The following TTLL11 variants were observed in gnomAD, a reference collection of about 807,000 sequenced individuals.
TTLL11 encodes tubulin polyglutamylase TTLL11.
Under a neutral mutation model 51.7 loss-of-function variants are expected in TTLL11, and 42 were observed. The observed-to-expected ratio is 0.81, with a 90% CI of 0.64 to 1.05. The LOEUF (loss-of-function observed/expected upper bound fraction) is 1.05. Among genes scored for constraint, TTLL11 ranks in the 50% least tolerant of loss-of-function variants. The pLI is 0.00. For synonymous variants in TTLL11, 381 were observed against 383.5 expected (o/e 0.99, Z 0.08); for missense variants, 799 against 940.4 (o/e 0.85, Z 1.97).
intron 6 of TTLL11, among the ~76,000 whole-genome samples, chr9:121,938,972 G>C (rs951182543): frequency 5.3e-5 from 8 of 152,206 alleles, no homozygotes; most frequent in African/African-American, 1.9e-4. Context: ...AAACCGAAGA[G>C]ATAAAGTCCG....
chr9:122,003,587 C>T (rs915529777), intron 3 of TTLL11, among the ~76,000 whole-genome samples: 3 of 149,036 alleles, frequency 2.0e-5, no homozygotes, highest in East Asian at 2.0e-4. Context: ...CAGGTTCAAG[C>T]GATTCTCCTT....
At chr9:122,090,194 G>GTAGATCAACATTACCATTATGCGGCT (rs1846223218) in intron 1 of TTLL11, among the ~76,000 whole-genome samples, 1 of 152,086 alleles carries the variant, frequency 6.6e-6, no homozygotes, top group Non-Finnish European at 1.5e-5. Flanking sequence ...GAAGTAGAAA[G>GTAGATCAACATTACCATTATGCGGCT]ACTGGAAACT....
rs1195004791 is a variant in TTLL11 at position 121,954,675 on chromosome 9, G to GATGCACACACAC, written c.1481+19333_1481+19334insGTGTGTGTGCAT. 5.4e-5 allele frequency among the ~76,000 whole-genome samples: 4 copies of GATGCACACACAC among 73,934 alleles called. No individual in the cohort carries two copies. In the South Asian group the frequency reaches 1.6e-3, roughly 29 times the overall value. 48.5% of individuals were successfully genotyped at this position (73,934 alleles called of 152,430 possible). On this transcript the variant is annotated intron_variant, in intron 6 of 8. Transcript: ENST00000321582. Reference sequence around the variant, plus strand: ...CAGTGCAAGCACACACACACACACAGACGCACACACACACACACACACAGA... The same window carrying GATGCACACACAC: ...CAGTGCAAGCACACACACACACACAGATGCACACACACACGCACACACACACACACACACAGA...
chr9:121,940,700 G>A (rs1367365042), intron 6 of TTLL11, among the ~76,000 whole-genome samples: 1 of 152,108 alleles, frequency 6.6e-6, no homozygotes, highest in Admixed American at 6.6e-5. Flanking sequence ...TCCACCACAG[G>A]AGAGGTAAAA....
intron 1 of TTLL11, among the ~76,000 whole-genome samples, chr9:122,054,025 G>C (rs780585084): frequency 6.6e-6 from 1 of 152,200 alleles, no homozygotes; most frequent in African/African-American, 2.4e-5. Context: ...AGCAATTCTT[G>C]TGATCTATGA....
At chr9:121,836,655 T>C (rs1837186702) in intron 8 of TTLL11, among the ~76,000 whole-genome samples, 1 of 152,196 alleles carries the variant, frequency 6.6e-6, no homozygotes, top group Non-Finnish European at 1.5e-5. Context: ...GACTCCTCAA[T>C]GTGCAGATTC....
At chr9:121,961,238 GA>G (rs1326755047) in intron 6 of TTLL11, among the ~76,000 whole-genome samples, 5 of 149,928 alleles carry the variant, frequency 3.3e-5, no homozygotes, top group Non-Finnish European at 7.4e-5. Flanking sequence ...TTTTCCTCAA[GA>G]AAAAAAAAGA....
At chr9:121,947,364 T>C (rs1841705564) in intron 6 of TTLL11, among the ~76,000 whole-genome samples, 1 of 152,350 alleles carries the variant, frequency 6.6e-6, no homozygotes. Flanking sequence ...TCAAATTATG[T>C]TCCTTCAATT....
intron 6 of TTLL11, among the ~76,000 whole-genome samples, chr9:121,894,904 TA>T (rs1215631211): frequency 2.0e-5 from 3 of 152,094 alleles, no homozygotes; most frequent in Admixed American, 6.6e-5. Context: ...ATAATTTTTT[TA>T]AAAAAGGGTT....
intron 6 of TTLL11, among the ~76,000 whole-genome samples, chr9:121,951,113 T>A (rs1231545531): frequency 6.6e-6 from 1 of 152,192 alleles, no homozygotes; most frequent in Non-Finnish European, 1.5e-5. Context: ...TGGGTCTGTG[T>A]CAAATTCCCA....
chr9:122,052,566 C>T (rs1169092650), intron 1 of TTLL11, among the ~76,000 whole-genome samples: 2 of 152,232 alleles, frequency 1.3e-5, no homozygotes, highest in Non-Finnish European at 2.9e-5. Context: ...GTTTCTTCTT[C>T]TCTTCCATTC....
intron 8 of TTLL11, among the ~76,000 whole-genome samples, chr9:121,834,845 T>C (rs1183956149): frequency 6.9e-6 from 1 of 145,588 alleles, no homozygotes; most frequent in African/African-American, 2.5e-5. Context: ...AAAAAAAAAA[T>C]AGTGGCACAA....
intron 1 of TTLL11, among the ~76,000 whole-genome samples, chr9:122,065,150 C>A (rs1845544986): frequency 6.6e-6 from 1 of 152,120 alleles, no homozygotes; most frequent in Admixed American, 6.5e-5. Context: ...ACAAATGCCC[C>A]AGGTGATTCT....
Position 121,870,661 on chromosome 9 carries a change from G to T in TTLL11, c.1569C>A (p.Pro523=). 1 of 1,551,708 alleles carries T rather than the reference G, an allele frequency of 6.4e-7. No homozygotes were observed. Among genetic ancestry groups the T allele is most frequent in the East Asian group, 2.4e-5 (1 of 40,922 alleles). ...LTSAPDCNAN[P]EAHLPSICLK... ...GGCAAATGGAAGGCAGGTGGGCTTC[G>T]GGGTTGGCGTTGCAGTCTGGAGCAC... The change falls in exon 7 of 9, where the codon CCC becomes CCA. Residue 523 remains proline (P), a synonymous_variant. Coordinates refer to ENST00000321582, the MANE Select transcript of TTLL11 (RefSeq NM_001139442.2).
chr9:121,859,599 G>A (rs934853373), intron 8 of TTLL11, among the ~76,000 whole-genome samples: 1 of 152,228 alleles, frequency 6.6e-6, no homozygotes, highest in Admixed American at 6.5e-5. Context: ...TCTTCTCACA[G>A]AACCCTTCAC....
In TTLL11 at chr9:121,904,333, C is replaced by T. The variant is rs57100193; in HGVS notation, c.1482-33585G>A. 2.2e-3 allele frequency among the ~76,000 whole-genome samples: 334 copies of T among 152,288 alleles called. 2 individuals carry two copies. The highest frequency in any genetic ancestry group is 7.5e-3 in the African/African-American group (312 of 41,572). On this transcript the variant is annotated intron_variant, in intron 6 of 8. Transcript: ENST00000321582. ...CTAGGACTATAGGCACGCACCACCA[C>T]GCCCAGCTAATTTTTGTATTTTTAG...
chr9:121,928,967 A>C (rs185592273), intron 6 of TTLL11, among the ~76,000 whole-genome samples: 2 of 152,170 alleles, frequency 1.3e-5, no homozygotes, highest in African/African-American at 4.8e-5. Context: ...CATTTGCCAC[A>C]CTAGTATAAA....
At chr9:122,081,748 A>G (rs529088526) in intron 1 of TTLL11, among the ~76,000 whole-genome samples, 10 of 152,378 alleles carry the variant, frequency 6.6e-5, no homozygotes, top group African/African-American at 2.4e-4. Context: ...TTTTAATTGT[A>G]ATGTGGATCA....
intron 1 of TTLL11, among the ~76,000 whole-genome samples, chr9:122,085,667 C>G (rs572734855): frequency 8.5e-5 from 13 of 152,118 alleles, no homozygotes; most frequent in Non-Finnish European, 1.6e-4. Flanking sequence ...AATAACCAAG[C>G]CTGTAATTAC....
Sources: allele counts gnomAD v4.1 joint callset (sites outside exome capture counted in the v4.1 genomes callset), GRCh38; gene constraint gnomAD v4.1.1; transcripts MANE v1.5; gene names NCBI Gene and HGNC (gene_info 2026-07-23, HGNC 2026-07-21).